CIB2: variants seen among roughly 807,000 people sequenced by gnomAD.
CIB2 encodes the protein calcium and integrin binding family member 2.
CIB2 carries 19 observed loss-of-function variants against 23.1 expected under a neutral mutation model. That is an observed-to-expected ratio of 0.82 (90% CI 0.57 to 1.21). CIB2 has a LOEUF of 1.21. Among genes scored for constraint, CIB2 ranks in the 50% most tolerant of loss-of-function variants. The pLI, the probability that CIB2 is intolerant of heterozygous loss-of-function variation, is 0.00. For synonymous variants in CIB2, 94 were observed against 91.7 expected (o/e 1.03, Z -0.14); for missense variants, 220 against 241.5 (o/e 0.91, Z 0.59).
chr15:78,105,422 C>T, intron 5 of CIB2, 90 bp from the exon 6 acceptor site: 1 of 1,593,864 alleles, frequency 6.3e-7, no homozygotes, highest in Non-Finnish European at 8.5e-7. Flanking sequence ...GGCCCCAGCC[C>T]CATGCTGGAC....
chr15:78,107,158 C>A (rs2074084056), intron 4 of CIB2, among the ~76,000 whole-genome samples: 1 of 152,122 alleles, frequency 6.6e-6, no homozygotes, highest in South Asian at 2.1e-4. Flanking sequence ...TGGCGTGAAC[C>A]CAGGAGGCGG....
chr15:78,131,160 C>T lies in CIB2; in HGVS notation c.51+5G>A. ...TGTGTTGGGGGCCGGGCGCGCCGAG[C>T]TCACCTGGTAGTTGTCTAGCTGCTC... On this transcript the variant is annotated splice_donor_5th_base_variant and intron_variant, in intron 1 of 5. Transcript: ENST00000258930. The surrounding 1 kb of genome is among the most constrained non-coding windows in gnomAD (Gnocchi z 5.8). 6.3e-7 allele frequency: 1 copy of T among 1,586,508 alleles called. No homozygotes were observed. The highest frequency in any genetic ancestry group is 8.6e-7 in the Non-Finnish European group (1 of 1,168,262).
chr15:78,131,303 C>T lies in CIB2; in HGVS notation c.-88G>A, dbSNP rs947915936. ...CGGAGCCAGCGCCCCGTGCCCGCGG[C>T]CCTCGGCAGCCCCGCGGCTGGCAGC... On this transcript the variant is annotated 5_prime_UTR_variant, in exon 1 of 6. Transcript: ENST00000258930. This position sits in a 1 kb window ranked among gnomAD's most constrained non-coding sequence, Gnocchi z 5.8. The T allele has an allele frequency of 9.6e-5, 102 of 1,063,248 alleles. No individual in the cohort carries two copies. The highest frequency in any genetic ancestry group is 1.2e-4 in the Non-Finnish European group (100 of 857,198). The allele number at this position is 1,063,248 out of a possible 1,614,324, so 65.9% of individuals were successfully genotyped here.
Position 78,105,726 on chromosome 15 carries a change from G to A in CIB2, c.542+13C>T, listed in dbSNP as rs749031603. 10 of 1,613,700 alleles carry A rather than the reference G, an allele frequency of 6.2e-6. No homozygotes were observed. The highest frequency in any genetic ancestry group is 4.2e-6 in the Non-Finnish European group (5 of 1,179,928). ...TCTGCCCTGCCCAAGCCCGGCCCCT[G>A]TAGTGGCAGCACCTGAGGAAGTCAG... On this transcript the variant is annotated intron_variant, in intron 5 of 5. Coordinates refer to ENST00000258930, the MANE Select transcript of CIB2 (RefSeq NM_006383.4).
Position 78,105,086 on chromosome 15 carries a change from C to T in CIB2, c.*225G>A, listed in dbSNP as rs1019162548. The T allele has an allele frequency of 1.4e-5, 8 of 584,794 alleles. No individual in the cohort carries two copies. The highest frequency in any genetic ancestry group is 9.4e-4 in the Middle Eastern group (2 of 2,118). The allele number at this position is 584,794 out of a possible 1,614,324, so 36.2% of individuals were successfully genotyped here. On this transcript the variant is annotated 3_prime_UTR_variant, in exon 6 of 6. Coordinates refer to ENST00000258930, the MANE Select transcript of CIB2 (RefSeq NM_006383.4). ...GGGTGCGGAGGGCCTGGAGAGAGGC[C>T]ATGGGTCCCGGGGCTGGACCACAGC...
chr15:78,109,276 G>A lies in CIB2; in HGVS notation c.305C>T (p.Ala102Val), dbSNP rs767746996. The A allele has an allele frequency of 6.2e-7, 1 of 1,612,914 alleles. No homozygotes were observed. Among genetic ancestry groups the A allele is most frequent in the Non-Finnish European group, 8.5e-7 (1 of 1,179,610 alleles). ...VDMFSVLCES[A>V]PRELKANYAF... ...ATAGTTTGCCTTGAGCTCTCGGGGA[G>A]CCGACTCGCAGAGCACGGAAAACAT... is the stretch of plus-strand genomic sequence containing the variant. Residue 102 changes from alanine to valine, a missense_variant, in exon 4 of 6, where the codon GCT (alanine) becomes GTT (valine). Transcript: ENST00000258930.
Position 78,131,104 on chromosome 15 carries a change from GA to G in CIB2, c.51+60del. The G allele has an allele frequency of 7.6e-6, 11 of 1,454,242 alleles. No individual in the cohort carries two copies. Among genetic ancestry groups the G allele is most frequent in the South Asian group, 1.2e-5 (1 of 81,734 alleles). The allele number at this position is 1,454,242 out of a possible 1,614,324, so 90.1% of individuals were successfully genotyped here. Reference sequence around the variant, plus strand: ...TCGGGAGGCCTCGGCCAGCGACCGAGAAAAGGGAGGGGCGGCGGGGCGGCGG... The same window carrying G: ...TCGGGAGGCCTCGGCCAGCGACCGAGAAAGGGAGGGGCGGCGGGGCGGCGG... On this transcript the variant is annotated intron_variant, in intron 1 of 5. Coordinates refer to ENST00000258930, the MANE Select transcript of CIB2 (RefSeq NM_006383.4). The surrounding 1 kb of genome is among the most constrained non-coding windows in gnomAD (Gnocchi z 5.8).
At chr15:78,124,743 C>T (rs895105849) in intron 1 of CIB2, among the ~76,000 whole-genome samples, 6 of 152,198 alleles carry the variant, frequency 3.9e-5, no homozygotes, top group African/African-American at 1.2e-4. Flanking sequence ...ATAGGGCCTC[C>T]TGGGGCCATA....
At chr15:78,127,427 C>T (rs2074396045) in intron 1 of CIB2, among the ~76,000 whole-genome samples, 3 of 152,124 alleles carry the variant, frequency 2.0e-5, no homozygotes, top group African/African-American at 7.2e-5. Flanking sequence ...GGGGCCTAAC[C>T]CAGGAGTGAT....
At chr15:78,109,206 T>A (rs1323793630) in intron 4 of CIB2, 29 bp downstream of exon 4, 2 of 818,870 alleles carry the variant, frequency 2.4e-6, no homozygotes, top group Non-Finnish European at 3.7e-6. Flanking sequence ...CCACCGCATA[T>A]TCAGGCCCCC....
chr15:78,105,434 G>A, intron 5 of CIB2, 102 bp from the exon 6 acceptor site: 1 of 1,584,718 alleles, frequency 6.3e-7, no homozygotes, highest in Non-Finnish European at 8.6e-7. Context: ...ATGCTGGACA[G>A]TGCCTCATTA....
chr15:78,120,340 A>G (rs1353821668), intron 2 of CIB2, among the ~76,000 whole-genome samples: 1 of 152,198 alleles, frequency 6.6e-6, no homozygotes. Context: ...TTCATTTTCT[A>G]ATTTTTCTAC....
intron 2 of CIB2, among the ~76,000 whole-genome samples, chr15:78,111,550 G>A (rs931795370): frequency 6.6e-6 from 1 of 152,102 alleles, no homozygotes; most frequent in African/African-American, 2.4e-5. Context: ...CACTCCTTGG[G>A]CCTGGGTCCA....
intron 1 of CIB2, among the ~76,000 whole-genome samples, chr15:78,126,519 T>C (rs748924688): frequency 2.3e-4 from 35 of 152,190 alleles, no homozygotes; most frequent in Non-Finnish European, 4.6e-4. Flanking sequence ...AAAGATCCTC[T>C]GTGCTTCTTG....
chr15:78,110,851 A>G lies in CIB2; in HGVS notation c.198+314T>C, dbSNP rs2074148249. On this transcript the variant is annotated intron_variant, in intron 3 of 5. Transcript: ENST00000258930. ...CAGCCAGACAACGGGGAGACAGAAA[A>G]GTTATCTAACAAAGCAGACACAGGT... 5 of 485,174 alleles carry G rather than the reference A, an allele frequency of 1.0e-5. No homozygotes were observed. The Middle Eastern group carries it at 9.3e-4, about 90-fold the overall frequency. 30.1% of individuals were successfully genotyped at this position (485,174 alleles called of 1,614,324 possible). A position where few individuals can be genotyped will look rare whatever the true frequency, so the allele number is the denominator to read the frequency against.
At position 78,123,978 on chromosome 15, in the gene CIB2, G is replaced by T. The variant is rs945732405; in HGVS notation, c.52-239C>A. On this transcript the variant is annotated intron_variant, in intron 1 of 5. Transcript: ENST00000258930. The stretch of plus-strand genomic sequence containing the variant: ...AGGCCTAAGGAGCTTAGTGCATGGT[G>T]GGGGGCTGTAGCATGCTTTAGGGTA... Among the ~76,000 whole-genome samples, 61 of 152,192 alleles carry T rather than the reference G, an allele frequency of 4.0e-4. 2 individuals carry two copies. The highest frequency in any genetic ancestry group is 3.7e-3 in the Admixed American group (56 of 15,280).
At chr15:78,114,541 T>C (rs1472208164) in intron 2 of CIB2, among the ~76,000 whole-genome samples, 1 of 152,208 alleles carries the variant, frequency 6.6e-6, no homozygotes, top group African/African-American at 2.4e-5. Context: ...ACTCTCACTT[T>C]ATTTTACAAA....
At position 78,105,831 on chromosome 15, in the gene CIB2, G is replaced by T. The variant is rs1446767946; in HGVS notation, c.450C>A (p.Asp150Glu). The T allele has an allele frequency of 5.0e-6, 8 of 1,614,166 alleles. No individual in the cohort carries two copies. The South Asian group carries it at 6.6e-5, about 13-fold the overall frequency. ...CCAAGTCAGCCTCCTCAATGACCTTGTCGCACACAAGCACCACCTCCTCCT... is the reference window on the plus strand; with the variant it reads ...CCAAGTCAGCCTCCTCAATGACCTTTTCGCACACAAGCACCACCTCCTCCT... ...LDEEEVVLVC[D>E]KVIEEADLDG... is the part of the protein sequence containing the mutation. The change falls in exon 5 of 6, where the codon GAC becomes GAA. Residue 150 changes from aspartate to glutamate, a missense_variant. Asp to Glu is a conservative substitution (Grantham distance 45). Transcript: ENST00000258930.
intron 1 of CIB2, among the ~76,000 whole-genome samples, chr15:78,125,561 C>T (rs1424900972): frequency 6.6e-6 from 1 of 152,202 alleles, no homozygotes; most frequent in East Asian, 1.9e-4. Context: ...TTACACCTCC[C>T]TACATCAATG....
Sources: gnomAD v4.1 joint callset for allele counts (sites outside exome capture counted in the v4.1 genomes callset) on GRCh38, gnomAD v4.1.1 for gene constraint, Gnocchi (gnomAD v3.1) non-coding constraint, MANE v1.5 for transcripts, NCBI Gene and HGNC (gene_info 2026-07-23, HGNC 2026-07-21) for gene names.